The following TDRD3 variants were observed in gnomAD, a reference collection of about 807,000 sequenced individuals.
The protein encoded by TDRD3 is tudor domain-containing protein 3.
A neutral mutation model predicts 86.7 loss-of-function variants in TDRD3; 45 were observed. The ratio of observed to expected loss-of-function variants is 0.52; its 90% confidence interval spans 0.41 to 0.67. The LOEUF (loss-of-function observed/expected upper bound fraction) is 0.67. Among genes scored for constraint, TDRD3 ranks in the 30% least tolerant of loss-of-function variants. TDRD3 has a pLI of 0.00. For missense variants in TDRD3, 814 were observed against 889.0 expected (o/e 0.92, Z 1.07); for synonymous variants, 298 against 301.7 (o/e 0.99, Z 0.13).
chr13:60,455,718 G>A (rs1955652784), intron 3 of TDRD3, among the ~76,000 whole-genome samples: 1 of 152,090 alleles, frequency 6.6e-6, no homozygotes, highest in Non-Finnish European at 1.5e-5. Context: ...AGAGTGTGAT[G>A]CTTATGTTGT....
chr13:60,501,511 C>A (rs911422385), intron 8 of TDRD3, among the ~76,000 whole-genome samples: 1 of 152,176 alleles, frequency 6.6e-6, no homozygotes, highest in East Asian at 1.9e-4. Flanking sequence ...TCAGTGTTAA[C>A]CCTGGCTAAA....
intron 3 of TDRD3, among the ~76,000 whole-genome samples, chr13:60,457,183 G>C (rs1208514663): frequency 6.6e-6 from 1 of 152,138 alleles, no homozygotes; most frequent in Admixed American, 6.5e-5. Flanking sequence ...GAATATTTCT[G>C]AATTGTGGAA....
At chr13:60,450,122 C>T (rs1418976560) in intron 3 of TDRD3, among the ~76,000 whole-genome samples, 1 of 152,054 alleles carries the variant, frequency 6.6e-6, no homozygotes, top group African/African-American at 2.4e-5. Flanking sequence ...TTATAGCCTT[C>T]CCTTTTACTT....
At chr13:60,440,011 TC>T (rs1207446429) in intron 2 of TDRD3, among the ~76,000 whole-genome samples, 1 of 152,182 alleles carries the variant, frequency 6.6e-6, no homozygotes, top group Admixed American at 6.5e-5. Flanking sequence ...TCCCTTTTTT[TC>T]ACCCACTGAT....
intron 1 of TDRD3, among the ~76,000 whole-genome samples, chr13:60,401,235 G>T (rs1320768058): frequency 6.7e-6 from 1 of 148,524 alleles, no homozygotes; most frequent in African/African-American, 2.5e-5. Flanking sequence ...TAAAATATTT[G>T]GAAAAATAAA....
At chr13:60,491,369 A>G (rs1285634765) in intron 7 of TDRD3, among the ~76,000 whole-genome samples, 1 of 152,182 alleles carries the variant, frequency 6.6e-6, no homozygotes. Flanking sequence ...AGTTGTAGAC[A>G]TATGGATGGT....
chr13:60,439,845 T>C lies in TDRD3; in HGVS notation c.126+73T>C, dbSNP rs1170037208. On this transcript the variant is annotated intron_variant, in intron 2 of 13. Coordinates refer to ENST00000377881, the MANE Select transcript of TDRD3 (RefSeq NM_001146070.2). The stretch of plus-strand genomic sequence containing the variant: ...ATTCATAAAAAAGTCTCAGAGTAAA[T>C]TGGGTTATATGATAACAAATATAGA... 9 of 1,011,130 alleles carry C rather than the reference T, an allele frequency of 8.9e-6. No individual in the cohort carries two copies. The Admixed American group carries it at 2.4e-4, about 27-fold the overall frequency. 62.6% of individuals were successfully genotyped at this position (1,011,130 alleles called of 1,614,324 possible). A position where few individuals can be genotyped will look rare whatever the true frequency, so the allele number is the denominator to read the frequency against.
At chr13:60,493,059 C>T (rs1489130538) in intron 7 of TDRD3, among the ~76,000 whole-genome samples, 5 of 151,360 alleles carry the variant, frequency 3.3e-5, no homozygotes, top group African/African-American at 1.2e-4. Flanking sequence ...GCTGGGACTA[C>T]AGGCGCCCGC....
At chr13:60,428,979 T>C (rs1018844247) in intron 1 of TDRD3, among the ~76,000 whole-genome samples, 9 of 152,216 alleles carry the variant, frequency 5.9e-5, no homozygotes, top group Admixed American at 5.2e-4. Flanking sequence ...TCTCCTTCAA[T>C]AGAAAAAAAT....
At chr13:60,441,097 A>C (rs1266870048) in intron 2 of TDRD3, among the ~76,000 whole-genome samples, 1 of 152,172 alleles carries the variant, frequency 6.6e-6, no homozygotes, top group Non-Finnish European at 1.5e-5. Flanking sequence ...TTTAATAAAT[A>C]AAAGACTAAT....
intron 1 of TDRD3, among the ~76,000 whole-genome samples, chr13:60,427,301 G>T (rs1004529219): frequency 1.3e-5 from 2 of 152,058 alleles, no homozygotes; most frequent in East Asian, 3.8e-4. Flanking sequence ...TGTATGTTGG[G>T]TAATTTTGGA....
At chr13:60,419,632 G>A (rs1009652884) in intron 1 of TDRD3, among the ~76,000 whole-genome samples, 1 of 151,996 alleles carries the variant, frequency 6.6e-6, no homozygotes, top group African/African-American at 2.4e-5. Context: ...GGCCTGTTGT[G>A]GGGGCGGGGG....
chr13:60,570,807 C>T (rs1958570038), intron 13 of TDRD3, among the ~76,000 whole-genome samples: 1 of 152,018 alleles, frequency 6.6e-6, no homozygotes, highest in East Asian at 1.9e-4. Flanking sequence ...CCCTTGACCC[C>T]TTCTTTAGTT....
At chr13:60,498,759 G>GT (rs1203024175) in intron 8 of TDRD3, among the ~76,000 whole-genome samples, 1 of 152,130 alleles carries the variant, frequency 6.6e-6, no homozygotes, top group Non-Finnish European at 1.5e-5. Flanking sequence ...TTTTACCAGG[G>GT]TAACTGTGCA....
At chr13:60,557,295 G>A (rs1457489563) in intron 12 of TDRD3, among the ~76,000 whole-genome samples, 2 of 151,760 alleles carry the variant, frequency 1.3e-5, no homozygotes, top group East Asian at 1.9e-4. Context: ...GGCTGCCTGA[G>A]AAAGCCAGAG....
intron 8 of TDRD3, among the ~76,000 whole-genome samples, chr13:60,508,896 T>G (rs574402731): frequency 1.1e-4 from 16 of 152,138 alleles, no homozygotes; most frequent in African/African-American, 3.1e-4. Flanking sequence ...GCAGGAAAAT[T>G]TAGCCCATTC....
intron 1 of TDRD3, among the ~76,000 whole-genome samples, chr13:60,423,744 A>C (rs1954722417): frequency 6.6e-6 from 1 of 152,176 alleles, no homozygotes; most frequent in African/African-American, 2.4e-5. Flanking sequence ...TTGTAAAAAA[A>C]TGTAATGACA....
At chr13:60,468,902 A>C (rs1956013156) in intron 5 of TDRD3, among the ~76,000 whole-genome samples, 1 of 152,208 alleles carries the variant, frequency 6.6e-6, no homozygotes, top group African/African-American at 2.4e-5. Flanking sequence ...TGACACCCTC[A>C]AATCTTGCCT....
chr13:60,525,040 T>C (rs1333225161), intron 10 of TDRD3, among the ~76,000 whole-genome samples: 1 of 104,198 alleles, frequency 9.6e-6, no homozygotes, highest in Non-Finnish European at 1.7e-5. Flanking sequence ...TGAGCCAAGA[T>C]CACGCCACTG....
Sources: gnomAD v4.1 joint callset for allele counts (sites outside exome capture counted in the v4.1 genomes callset) on GRCh38, gnomAD v4.1.1 for gene constraint, MANE v1.5 for transcripts, NCBI Gene and HGNC (gene_info 2026-07-23, HGNC 2026-07-21) for gene names.